Variants in PATJ observed in about 807,000 individuals in gnomAD.
PATJ encodes PATJ crumbs cell polarity complex component.
In PATJ, 190 loss-of-function variants were observed where a neutral mutation model predicts 224.9. That is an observed-to-expected ratio of 0.84 (90% CI 0.75 to 0.95). PATJ has a LOEUF of 0.95. Ranked by LOEUF, PATJ falls within the 40% of genes least tolerant of loss-of-function variation. PATJ has a pLI of 0.00. For synonymous variants in PATJ, 769 were observed against 820.3 expected, an observed-to-expected ratio of 0.94 and a Z score of 1.07; for missense variants, 2,121 against 2,270.3, an observed-to-expected ratio of 0.93 and a Z score of 1.34.
chr1:61,976,178 C>G (rs1458811525), intron 27 of PATJ, among the ~76,000 whole-genome samples: 2 of 151,876 alleles, frequency 1.3e-5, no homozygotes, highest in Non-Finnish European at 2.9e-5. Context: ...TTTAGGCTTT[C>G]CTTCTGCTAC....
chr1:62,155,223 A>G (rs1302564395), intron 43 of PATJ, among the ~76,000 whole-genome samples: 4 of 152,200 alleles, frequency 2.6e-5, no homozygotes, highest in Admixed American at 1.3e-4. Flanking sequence ...CTCCTCCAGA[A>G]TGTTTGCAGT....
At chr1:61,970,306 C>G (rs1441776714) in intron 27 of PATJ, among the ~76,000 whole-genome samples, 1 of 151,910 alleles carries the variant, frequency 6.6e-6, no homozygotes, top group East Asian at 1.9e-4. Context: ...CACCGACACA[C>G]GGGCAACCTC....
chr1:61,856,822 A>G (rs1330631625), intron 18 of PATJ, among the ~76,000 whole-genome samples: 2 of 152,100 alleles, frequency 1.3e-5, no homozygotes, highest in Non-Finnish European at 2.9e-5. Context: ...TGAAGTCCTG[A>G]GCTCAGGCAA....
At chr1:62,034,442 C>CAAAAA (rs58542108) in intron 29 of PATJ, among the ~76,000 whole-genome samples, 6 of 100,214 alleles carry the variant, frequency 6.0e-5, no homozygotes, top group Non-Finnish European at 1.1e-4. Flanking sequence ...GACTCTGTCT[C>CAAAAA]AAAAAAAAAA....
intron 38 of PATJ, among the ~76,000 whole-genome samples, chr1:62,122,578 A>C (rs1314271143): frequency 6.6e-6 from 1 of 151,520 alleles, no homozygotes; most frequent in African/African-American, 2.4e-5. Context: ...TAATCCCAAC[A>C]CTTTGGGAGG....
intron 43 of PATJ, among the ~76,000 whole-genome samples, chr1:62,155,326 C>T (rs1199942556): frequency 2.6e-5 from 4 of 152,138 alleles, no homozygotes; most frequent in East Asian, 3.8e-4. Context: ...CAGACTGCCC[C>T]AGCTGTTTGC....
intron 6 of PATJ, 98 bp downstream of exon 6, chr1:61,771,724 CT>C (rs199652994): frequency 0.094 from 65,209 of 690,762 alleles, 192 homozygotes; most frequent in East Asian, 0.23. Flanking sequence ...CCTTTCTTTC[CT>C]TTTTTTTTTT....
Position 62,131,609 on chromosome 1 carries a change from T to G in PATJ, c.5271+2664T>G, listed in dbSNP as rs373760997. 2.1e-3 allele frequency among the ~76,000 whole-genome samples: 322 copies of G among 151,630 alleles called. 6 individuals are homozygous for G. The highest frequency in any genetic ancestry group is 7.1e-3 in the African/African-American group (293 of 41,364). ...GTTGCAATGAGCCAAGATCACCCCA[T>G]TGCACCCCAGCATGGGCTACAAGAG... On this transcript the variant is annotated intron_variant, in intron 41 of 43. Coordinates refer to ENST00000642238, the MANE Select transcript of PATJ (RefSeq NM_001350145.3).
chr1:61,978,556 C>T (rs1571617618), intron 27 of PATJ, among the ~76,000 whole-genome samples: 3 of 152,144 alleles, frequency 2.0e-5, no homozygotes, highest in Middle Eastern at 3.4e-3. Context: ...TGAGCCACTG[C>T]GCCCAGCCTG....
chr1:61,998,639 G>A (rs544497498), intron 28 of PATJ, among the ~76,000 whole-genome samples: 6 of 152,282 alleles, frequency 3.9e-5, no homozygotes, highest in African/African-American at 1.4e-4. Context: ...TTTTGAGCTT[G>A]TTCTTGCACT....
At chr1:61,998,304 G>A (rs1645540542) in intron 28 of PATJ, among the ~76,000 whole-genome samples, 2 of 151,426 alleles carry the variant, frequency 1.3e-5, no homozygotes, top group South Asian at 2.1e-4. Context: ...GGCTGGTCTC[G>A]AACTCCTGAC....
chr1:61,775,808 G>T (rs554814310), intron 7 of PATJ, among the ~76,000 whole-genome samples: 1 of 152,176 alleles, frequency 6.6e-6, no homozygotes, highest in Admixed American at 6.5e-5. Flanking sequence ...TAAACTGAAA[G>T]TGGGCTATTA....
chr1:61,977,661 T>C lies in PATJ; in HGVS notation c.3671-12507T>C, dbSNP rs918370707. ...TCCCAGATTCAACCACAACACTGAT[T>C]ACAGGTATGATCCACTGTGCCGGCT... On this transcript the variant is annotated intron_variant, in intron 27 of 43. Coordinates refer to ENST00000642238, the MANE Select transcript of PATJ (RefSeq NM_001350145.3). Among the ~76,000 whole-genome samples, 7 of 152,008 alleles carry C rather than the reference T, an allele frequency of 4.6e-5. No individual in the cohort carries two copies. In the East Asian group the frequency reaches 1.4e-3, roughly 29 times the overall value.
chr1:61,969,804 G>A (rs745392364), intron 27 of PATJ, among the ~76,000 whole-genome samples: 7 of 151,788 alleles, frequency 4.6e-5, no homozygotes, highest in Non-Finnish European at 8.8e-5. Flanking sequence ...AGTGATTCTC[G>A]TGCCTCAGCC....
intron 31 of PATJ, among the ~76,000 whole-genome samples, chr1:62,067,123 C>CTTTTTTTTTTTTTTTTTTTTTTTTTTT (rs11381578): frequency 4.3e-5 from 5 of 116,472 alleles, no homozygotes; most frequent in Non-Finnish European, 5.3e-5. Context: ...CCTATTCTTT[C>CTTTTTTTTTTTTTTTTTTTTTTTTTTT]TTTTTTTTTT....
chr1:61,912,693 G>C, intron 25 of PATJ, among the ~76,000 whole-genome samples: 1 of 117,704 alleles, frequency 8.5e-6, no homozygotes, highest in African/African-American at 3.1e-5. Flanking sequence ...GGAGGGGAGG[G>C]AAGAGGGGAG....
intron 21 of PATJ, among the ~76,000 whole-genome samples, chr1:61,880,950 C>T (rs1217230201): frequency 5.9e-5 from 9 of 152,060 alleles, no homozygotes; most frequent in Non-Finnish European, 7.4e-5. Flanking sequence ...AAAAATTAGC[C>T]GGGCATGGTG....
At chr1:62,080,034 A>G (rs1478173349) in intron 32 of PATJ, among the ~76,000 whole-genome samples, 1 of 151,952 alleles carries the variant, frequency 6.6e-6, no homozygotes, top group Non-Finnish European at 1.5e-5. Context: ...TCTCAAAAAA[A>G]AAAAAAAGGA....
intron 27 of PATJ, among the ~76,000 whole-genome samples, chr1:61,929,378 TG>T (rs1462946691): frequency 6.6e-6 from 1 of 152,150 alleles, no homozygotes; most frequent in African/African-American, 2.4e-5. Context: ...TGCTTATCTA[TG>T]TGGGGGTGAG....
Sources: gnomAD v4.1 joint callset for allele counts (sites outside exome capture counted in the v4.1 genomes callset) on GRCh38, gnomAD v4.1.1 for gene constraint, MANE v1.5 for transcripts, NCBI Gene and HGNC (gene_info 2026-07-23, HGNC 2026-07-21) for gene names.